Variants in GAREM1 observed in about 807,000 individuals in gnomAD.
GAREM1 encodes the protein GRB2-associated and regulator of MAPK protein 1.
A neutral mutation model predicts 71.3 loss-of-function variants in GAREM1; 26 were observed. That is an observed-to-expected ratio of 0.36 (90% CI 0.27 to 0.51). The LOEUF (loss-of-function observed/expected upper bound fraction) is 0.51, where lower values mean the gene tolerates loss of function less well. Among genes scored for constraint, GAREM1 ranks in the 20% least tolerant of loss-of-function variants. The pLI, the probability that GAREM1 is intolerant of heterozygous loss-of-function variation, is 0.95. For missense variants in GAREM1, 1,026 were observed against 1,103.1 expected, an observed-to-expected ratio of 0.93 and a Z score of 0.99; for synonymous variants, 440 against 433.2, an observed-to-expected ratio of 1.02 and a Z score of -0.20.
intron 2 of GAREM1, among the ~76,000 whole-genome samples, chr18:32,390,089 T>C (rs967771871): frequency 1.3e-5 from 2 of 152,154 alleles, no homozygotes; most frequent in Non-Finnish European, 2.9e-5. Context: ...GAGGATCCTT[T>C]GAGCCCAGTA....
chr18:32,332,043 G>A (rs766178233), intron 2 of GAREM1, among the ~76,000 whole-genome samples: 17 of 150,836 alleles, frequency 1.1e-4, no homozygotes, highest in Admixed American at 3.3e-4. Flanking sequence ...GTATCATCTA[G>A]GATGCTTGAC....
At chr18:32,300,149 C>T (rs1348600775) in intron 3 of GAREM1, among the ~76,000 whole-genome samples, 2 of 152,194 alleles carry the variant, frequency 1.3e-5, no homozygotes, top group Non-Finnish European at 2.9e-5. Context: ...TTCACAGCTA[C>T]TCCAGAAACT....
intron 2 of GAREM1, among the ~76,000 whole-genome samples, chr18:32,359,468 G>A (rs896103740): frequency 3.9e-5 from 6 of 152,166 alleles, no homozygotes; most frequent in Admixed American, 6.5e-5. Flanking sequence ...ATACTATACA[G>A]TTCACAGTGG....
chr18:32,405,772 T>C (rs1416047063), intron 1 of GAREM1, among the ~76,000 whole-genome samples: 1 of 152,218 alleles, frequency 6.6e-6, no homozygotes, highest in Non-Finnish European at 1.5e-5. Context: ...AGGAATACCT[T>C]GGAACAAAGT....
At chr18:32,462,221 GA>G (rs2048959363) in intron 1 of GAREM1, among the ~76,000 whole-genome samples, 1 of 152,126 alleles carries the variant, frequency 6.6e-6, no homozygotes, top group South Asian at 2.1e-4. Flanking sequence ...TTTATTAATT[GA>G]AATTTACACT....
At position 32,364,009 on chromosome 18, in the gene GAREM1, TATA is replaced by T. The variant is rs2047896251; in HGVS notation, c.262+28883_262+28885del. Among the ~76,000 whole-genome samples the T allele has an allele frequency of 9.9e-5, 5 of 50,588 alleles. 1 individual carries two copies. The highest frequency in any genetic ancestry group is 5.2e-4 in the African/African-American group (5 of 9,528). 33.2% of individuals were successfully genotyped at this position (50,588 alleles called of 152,430 possible). ...ATACATATATACATATATATATATA[TATA>T]TATATATATATATATGTTTTTTTTT... On this transcript the variant is annotated intron_variant, in intron 2 of 5. Coordinates refer to ENST00000269209, the MANE Select transcript of GAREM1 (RefSeq NM_001242409.2).
intron 1 of GAREM1, among the ~76,000 whole-genome samples, chr18:32,447,545 C>T (rs1415808596): frequency 6.6e-6 from 1 of 151,954 alleles, no homozygotes; most frequent in East Asian, 1.9e-4. Flanking sequence ...ATTTTCTTAT[C>T]GCATCATAAC....
intron 1 of GAREM1, among the ~76,000 whole-genome samples, chr18:32,426,065 C>A (rs930950317): frequency 6.6e-6 from 1 of 152,154 alleles, no homozygotes; most frequent in African/African-American, 2.4e-5. Context: ...GTCGCCCAGG[C>A]TGGAGTGCAG....
chr18:32,314,091 T>TTG (rs2047352333), intron 2 of GAREM1, among the ~76,000 whole-genome samples: 2 of 119,658 alleles, frequency 1.7e-5, no homozygotes, highest in African/African-American at 6.6e-5. Context: ...ACAAAAAAAG[T>TTG]TTTTTTTTTT....
chr18:32,362,939 C>T (rs901187011), intron 2 of GAREM1, among the ~76,000 whole-genome samples: 7 of 152,168 alleles, frequency 4.6e-5, no homozygotes, highest in Admixed American at 2.6e-4. Context: ...CCAAGGAATC[C>T]TATGGCAAAT....
At chr18:32,348,796 T>C (rs1251587520) in intron 2 of GAREM1, among the ~76,000 whole-genome samples, 1 of 152,156 alleles carries the variant, frequency 6.6e-6, no homozygotes, top group African/African-American at 2.4e-5. Flanking sequence ...CCAACTCAAG[T>C]TGAGAGGATA....
At chr18:32,276,870 C>T (rs577686974) in intron 4 of GAREM1, among the ~76,000 whole-genome samples, 2 of 152,104 alleles carry the variant, frequency 1.3e-5, no homozygotes, top group African/African-American at 4.8e-5. Context: ...GCTGAACCCC[C>T]AAAGGATGGG....
intron 3 of GAREM1, among the ~76,000 whole-genome samples, chr18:32,309,964 TG>T (rs2047298812): frequency 6.6e-6 from 1 of 152,220 alleles, no homozygotes; most frequent in African/African-American, 2.4e-5. Flanking sequence ...GCTACAGTTT[TG>T]AACTCAGATA....
Position 32,329,703 on chromosome 18 carries a change from T to TAAAAAAAA in GAREM1, c.263-19388_263-19381dup, listed in dbSNP as rs756082703. Among the ~76,000 whole-genome samples the TAAAAAAAA allele has an allele frequency of 1.1e-3, 84 of 78,124 alleles. 2 individuals carry two copies. Among genetic ancestry groups the TAAAAAAAA allele is most frequent in the African/African-American group, 2.9e-3 (52 of 17,698 alleles). 51.3% of individuals were successfully genotyped at this position (78,124 alleles called of 152,430 possible). ...CCTGGGTGACAGAGCGAGACTCCAT[T>TAAAAAAAA]AAAAAAAAAAAAAAAAAAAAAAGAT... On this transcript the variant is annotated intron_variant, in intron 2 of 5. Coordinates refer to ENST00000269209, the MANE Select transcript of GAREM1 (RefSeq NM_001242409.2).
At chr18:32,417,457 C>A (rs934438929) in intron 1 of GAREM1, among the ~76,000 whole-genome samples, 1 of 152,060 alleles carries the variant, frequency 6.6e-6, no homozygotes, top group South Asian at 2.1e-4. Context: ...AGCCAAGATG[C>A]GGAAGCAACC....
chr18:32,451,479 T>C (rs1201345996), intron 1 of GAREM1, among the ~76,000 whole-genome samples: 1 of 152,198 alleles, frequency 6.6e-6, no homozygotes, highest in Non-Finnish European at 1.5e-5. Flanking sequence ...ATAAGGGCAT[T>C]AGTACCCAAG....
At chr18:32,327,167 A>T (rs1173536629) in intron 2 of GAREM1, among the ~76,000 whole-genome samples, 2 of 152,234 alleles carry the variant, frequency 1.3e-5, no homozygotes, top group African/African-American at 4.8e-5. Context: ...TTGTGGCTGT[A>T]AATTTTTATT....
At chr18:32,277,704 C>G (rs931802462) in intron 4 of GAREM1, among the ~76,000 whole-genome samples, 9 of 152,220 alleles carry the variant, frequency 5.9e-5, no homozygotes, top group African/African-American at 2.2e-4. Context: ...TTTCCCTTCT[C>G]TCCTTACAGT....
intron 1 of GAREM1, among the ~76,000 whole-genome samples, chr18:32,433,770 C>T (rs1444468552): frequency 1.3e-5 from 2 of 151,792 alleles, no homozygotes; most frequent in East Asian, 1.9e-4. Context: ...CTGAAAATGA[C>T]AAAATCTTTG....
Sources: allele counts gnomAD v4.1 joint callset (sites outside exome capture counted in the v4.1 genomes callset), GRCh38; gene constraint gnomAD v4.1.1; transcripts MANE v1.5; gene names NCBI Gene and HGNC (gene_info 2026-07-23, HGNC 2026-07-21).